The following DDR2 variants were observed in gnomAD, a reference collection of about 807,000 sequenced individuals.
DDR2 encodes the protein discoidin domain-containing receptor 2.
A neutral mutation model predicts 94.9 loss-of-function variants in DDR2; 27 were observed. The observed-to-expected ratio is 0.28, with a 90% confidence interval of 0.21 to 0.39. DDR2 has a LOEUF of 0.39. Ranked by LOEUF, DDR2 falls within the 10% of genes least tolerant of loss-of-function variation. The pLI is 1.00. For missense variants in DDR2, 783 were observed against 1,076.0 expected (o/e 0.73, Z 3.81); for synonymous variants, 382 against 377.2 (o/e 1.01, Z -0.15).
At chr1:162,740,257 A>G (rs1169715826) in intron 3 of DDR2, among the ~76,000 whole-genome samples, 1 of 152,202 alleles carries the variant, frequency 6.6e-6, no homozygotes, top group Non-Finnish European at 1.5e-5. Context: ...AATGTGAGAA[A>G]TCAGAGAAAG....
chr1:162,715,492 C>A (rs962716548), intron 2 of DDR2, among the ~76,000 whole-genome samples: 1 of 152,070 alleles, frequency 6.6e-6, no homozygotes, highest in Non-Finnish European at 1.5e-5. Flanking sequence ...AGAAAAGAAG[C>A]TCCAGTGTGA....
chr1:162,736,393 G>A (rs1045003634), intron 3 of DDR2, among the ~76,000 whole-genome samples: 12 of 152,200 alleles, frequency 7.9e-5, no homozygotes, highest in Admixed American at 2.6e-4. Flanking sequence ...GAGTGGATGC[G>A]AAGTCTTGAT....
In DDR2 at chr1:162,775,672, T is replaced by C. The variant is rs897630893; in HGVS notation, c.1877T>C (p.Ile626Thr). 6.2e-7 allele frequency: 1 copy of C among 1,614,112 alleles called. No individual in the cohort carries two copies. The highest frequency in any genetic ancestry group is 8.5e-7 in the Non-Finnish European group (1 of 1,179,976). ...CCAAGGAATGATTTTCTTAAGGAGA[T>C]AAAGATCATGTCTCGGCTCAAGGAC... ...KNARNDFLKE[I>T]KIMSRLKDPN... Residue 626 changes from isoleucine to threonine, a missense_variant, in exon 15 of 18, where the codon ATA becomes ACA. Transcript: ENST00000367921.
chr1:162,637,352 C>G (rs895150540), intron 1 of DDR2, among the ~76,000 whole-genome samples: 1 of 151,976 alleles, frequency 6.6e-6, no homozygotes, highest in African/African-American at 2.4e-5. Flanking sequence ...TTCAGTGGAG[C>G]AGGTGTTATG....
At chr1:162,631,696 G>A (rs949584351), upstream of DDR2, among the ~76,000 whole-genome samples, 2 of 152,104 alleles carry the variant, frequency 1.3e-5, no homozygotes, top group Non-Finnish European at 2.9e-5. Flanking sequence ...TTGCCTACCC[G>A]CCCCTTTCAC....
At chr1:162,723,420 A>T (rs1032568135) in intron 3 of DDR2, among the ~76,000 whole-genome samples, 3 of 152,170 alleles carry the variant, frequency 2.0e-5, no homozygotes, top group Non-Finnish European at 4.4e-5. Context: ...ATGCACAAAA[A>T]TACGGGGCTG....
intron 3 of DDR2, among the ~76,000 whole-genome samples, chr1:162,743,088 T>G (rs532243228): frequency 3.3e-4 from 50 of 152,288 alleles, no homozygotes; most frequent in African/African-American, 1.2e-3. Flanking sequence ...TGTGGGTATA[T>G]GGCCATGTTT....
rs780419172 is a variant in DDR2 at position 162,778,757 on chromosome 1, T to C, written c.2433+28T>C. On this transcript the variant is annotated intron_variant, in intron 17 of 17. Coordinates refer to ENST00000367921, the MANE Select transcript of DDR2 (RefSeq NM_006182.4). ...AAGAACTGTTGGGGATGAATGGATGTGGACCTGTGTACCTTGAAGGATGGA... is the reference window on the plus strand; with the variant it reads ...AAGAACTGTTGGGGATGAATGGATGCGGACCTGTGTACCTTGAAGGATGGA... 8 of 1,613,440 alleles carry C rather than the reference T, an allele frequency of 5.0e-6. No individual in the cohort carries two copies. The African/African-American group carries it at 9.3e-5, about 19-fold the overall frequency.
intron 2 of DDR2, among the ~76,000 whole-genome samples, chr1:162,665,795 G>T (rs1658520921): frequency 6.6e-6 from 1 of 152,116 alleles, no homozygotes; most frequent in Non-Finnish European, 1.5e-5. Flanking sequence ...AGAGGAGAAG[G>T]ATATGTAGAC....
intron 1 of DDR2, among the ~76,000 whole-genome samples, chr1:162,653,835 T>C (rs1377159820): frequency 6.6e-6 from 1 of 152,196 alleles, no homozygotes; most frequent in Non-Finnish European, 1.5e-5. Flanking sequence ...CTGCATACCT[T>C]GTTAGGAAAC....
intron 2 of DDR2, among the ~76,000 whole-genome samples, chr1:162,665,711 G>C (rs967683019): frequency 2.0e-5 from 3 of 152,056 alleles, no homozygotes; most frequent in African/African-American, 7.2e-5. Context: ...AGAGATAAAG[G>C]TGAACACTTC....
chr1:162,640,083 C>A (rs1024319418), intron 1 of DDR2, among the ~76,000 whole-genome samples: 1 of 151,740 alleles, frequency 6.6e-6, no homozygotes, highest in African/African-American at 2.4e-5. Flanking sequence ...GCTCTGTCGC[C>A]CAGGCTGGAG....
At chr1:162,755,052 C>A in intron 5 of DDR2, 104 bp from the exon 6 acceptor site, 2 of 1,537,842 alleles carry the variant, frequency 1.3e-6, no homozygotes, top group Non-Finnish European at 9.0e-7. Flanking sequence ...ATGCATTCTG[C>A]TCCTCGAATT....
intron 2 of DDR2, among the ~76,000 whole-genome samples, 190 bp downstream of exon 2, chr1:162,655,564 A>G (rs1463948454): frequency 2.0e-5 from 3 of 152,180 alleles, no homozygotes; most frequent in Non-Finnish European, 4.4e-5. Flanking sequence ...GTGGACTGTC[A>G]ATTAACTCAT....
At chr1:162,644,607 T>G (rs1488699682) in intron 1 of DDR2, among the ~76,000 whole-genome samples, 2 of 152,070 alleles carry the variant, frequency 1.3e-5, no homozygotes, top group African/African-American at 4.8e-5. Flanking sequence ...TTTACCTTTT[T>G]TTTTTTTTTG....
At position 162,783,773 on chromosome 1, in the gene DDR2, C is replaced by T. The variant is rs2490885; in HGVS notation, c.*3527C>T. 145,402 of 152,258 alleles carry T rather than the reference C, an allele frequency of 0.95. 69,793 individuals carry two copies. The highest frequency in any genetic ancestry group is 1 in the East Asian group (5,194 of 5,194). 9.4% of individuals were successfully genotyped at this position (152,258 alleles called of 1,614,324 possible). A position where few individuals can be genotyped will look rare whatever the true frequency, so the allele number is the denominator to read the frequency against. ...CTCTTGGAAAAGATATAGCAACCATCGGGGAATGACCTTTTCATTTCAGAA... is the reference window on the plus strand; with the variant it reads ...CTCTTGGAAAAGATATAGCAACCATTGGGGAATGACCTTTTCATTTCAGAA... On this transcript the variant is annotated 3_prime_UTR_variant, in exon 18 of 18. Transcript: ENST00000367921.
At chr1:162,656,843 T>A (rs577618441) in intron 2 of DDR2, among the ~76,000 whole-genome samples, 10 of 120,526 alleles carry the variant, frequency 8.3e-5, no homozygotes, top group African/African-American at 2.9e-4. Context: ...GTTTTTTTTT[T>A]TTTTTTATTT....
chr1:162,753,302 A>T (rs1260943556), intron 4 of DDR2, 105 bp downstream of exon 4: 1 of 1,013,564 alleles, frequency 9.9e-7, no homozygotes, highest in Non-Finnish European at 1.5e-6. Flanking sequence ...TATTGGCAGG[A>T]ACTGTTGAGA....
At chr1:162,660,959 C>G (rs1379886328) in intron 2 of DDR2, among the ~76,000 whole-genome samples, 1 of 152,220 alleles carries the variant, frequency 6.6e-6, no homozygotes, top group Non-Finnish European at 1.5e-5. Flanking sequence ...TTTGCTGACC[C>G]TGGCTTATGT....
Sources: gnomAD v4.1 joint callset for allele counts (sites outside exome capture counted in the v4.1 genomes callset) on GRCh38, gnomAD v4.1.1 for gene constraint, MANE v1.5 for transcripts, NCBI Gene and HGNC (gene_info 2026-07-23, HGNC 2026-07-21) for gene names.